Variants in SLC2A13 observed in about 807,000 individuals in gnomAD.
SLC2A13 encodes the protein solute carrier family 2 member 13, also known as proton myo-inositol cotransporter.
In SLC2A13, 32 loss-of-function variants were observed where a neutral mutation model predicts 64.4. The ratio of observed to expected loss-of-function variants is 0.50; its 90% CI spans 0.37 to 0.67. SLC2A13 has a LOEUF of 0.67. SLC2A13 is among the 30% of genes least tolerant of loss of function. The pLI is 0.00. For synonymous variants in SLC2A13, 338 were observed against 327.1 expected, an observed-to-expected ratio of 1.03 and a Z score of -0.36; for missense variants, 743 against 829.2, an observed-to-expected ratio of 0.90 and a Z score of 1.28.
chr12:39,887,700 T>C (rs1944504323), intron 4 of SLC2A13, among the ~76,000 whole-genome samples: 1 of 152,238 alleles, frequency 6.6e-6, no homozygotes, highest in South Asian at 2.1e-4. Flanking sequence ...TAGCCTATCA[T>C]TCTGTTGTGA....
At chr12:39,815,282 C>G (rs1942308659) in intron 7 of SLC2A13, among the ~76,000 whole-genome samples, 1 of 152,160 alleles carries the variant, frequency 6.6e-6, no homozygotes, top group Admixed American at 6.5e-5. Context: ...CAGAATAAAG[C>G]AGAGAATACT....
chr12:39,779,618 GACA>G (rs1940907123), intron 7 of SLC2A13, among the ~76,000 whole-genome samples: 1 of 152,132 alleles, frequency 6.6e-6, no homozygotes, highest in Non-Finnish European at 1.5e-5. Flanking sequence ...TTTGTCATCT[GACA>G]ACAATTTCTT....
intron 6 of SLC2A13, among the ~76,000 whole-genome samples, chr12:39,860,743 T>C (rs1253184866): frequency 3.9e-5 from 6 of 152,196 alleles, no homozygotes; most frequent in Non-Finnish European, 8.8e-5. Context: ...GATTTTTCTC[T>C]CCTAATACAC....
chr12:39,784,737 A>G (rs1005191733), intron 7 of SLC2A13, among the ~76,000 whole-genome samples: 10 of 152,220 alleles, frequency 6.6e-5, no homozygotes, highest in Non-Finnish European at 1.0e-4. Context: ...GATCTAATTA[A>G]ACTAAAGAGC....
At chr12:39,939,084 G>A (rs1347461640) in intron 4 of SLC2A13, among the ~76,000 whole-genome samples, 1 of 152,140 alleles carries the variant, frequency 6.6e-6, no homozygotes, top group African/African-American at 2.4e-5. Context: ...TCCTTGGAGA[G>A]TACTCAGCAG....
At chr12:39,966,140 G>T (rs4768205) in intron 3 of SLC2A13, among the ~76,000 whole-genome samples, 24,948 of 147,732 alleles carry the variant, frequency 0.17, 2,189 homozygotes, top group African/African-American at 0.23. Context: ...TATATATATA[G>T]AGAGAGAGAG....
intron 3 of SLC2A13, among the ~76,000 whole-genome samples, chr12:39,984,649 T>TA (rs955500622): frequency 2.0e-5 from 3 of 152,026 alleles, no homozygotes; most frequent in Admixed American, 1.3e-4. Flanking sequence ...AACTGCTTTT[T>TA]AAAAAAAATC....
At chr12:40,013,218 A>C (rs1194417239) in intron 3 of SLC2A13, among the ~76,000 whole-genome samples, 7 of 152,156 alleles carry the variant, frequency 4.6e-5, no homozygotes, top group African/African-American at 1.7e-4. Context: ...ATTTTCTACA[A>C]AGGCTAAGTG....
chr12:39,772,600 AG>A (rs1940623128), intron 7 of SLC2A13, among the ~76,000 whole-genome samples: 1 of 152,202 alleles, frequency 6.6e-6, no homozygotes, highest in Non-Finnish European at 1.5e-5. Flanking sequence ...AAAATAGGAA[AG>A]GAAAGAAAAA....
chr12:39,978,452 G>T (rs1946807516), intron 3 of SLC2A13, among the ~76,000 whole-genome samples: 1 of 152,170 alleles, frequency 6.6e-6, no homozygotes, highest in African/African-American at 2.4e-5. Context: ...GTGGGCGCAG[G>T]CCAGTGGGTG....
chr12:39,824,343 G>C (rs1002762032), intron 7 of SLC2A13, among the ~76,000 whole-genome samples: 9 of 152,158 alleles, frequency 5.9e-5, no homozygotes, highest in South Asian at 2.1e-4. Flanking sequence ...GTTTATTCTA[G>C]CAGCGCTCTT....
chr12:39,879,282 T>C lies in SLC2A13; in HGVS notation c.1035-7321A>G, dbSNP rs557838161. Among the ~76,000 whole-genome samples, 6 of 151,868 alleles carry C rather than the reference T, an allele frequency of 4.0e-5. No individual in the cohort carries two copies. The East Asian group carries it at 1.2e-3, about 30-fold the overall frequency. ...TGTGGGGTTGAGCCCTCAGACAGAGTCCCCTATTGCCTAGTGGAGCTGTGA... is the reference window on the plus strand; with the variant it reads ...TGTGGGGTTGAGCCCTCAGACAGAGCCCCCTATTGCCTAGTGGAGCTGTGA... On this transcript the variant is annotated intron_variant, in intron 4 of 9. Coordinates refer to ENST00000280871, the MANE Select transcript of SLC2A13 (RefSeq NM_052885.4).
At chr12:39,991,862 A>G (rs147211595) in intron 3 of SLC2A13, among the ~76,000 whole-genome samples, 156 of 152,272 alleles carry the variant, frequency 1.0e-3, no homozygotes, top group African/African-American at 3.7e-3. Flanking sequence ...ATGTAAAATC[A>G]AAAGCTTTTA....
At chr12:40,092,767 A>T (rs190470100) in intron 1 of SLC2A13, among the ~76,000 whole-genome samples, 1 of 152,262 alleles carries the variant, frequency 6.6e-6, no homozygotes, top group Admixed American at 6.5e-5. Flanking sequence ...AAGTTTGAAA[A>T]CTTGAGTCAT....
intron 6 of SLC2A13, among the ~76,000 whole-genome samples, chr12:39,832,099 A>ATTTT: frequency 6.6e-6 from 1 of 152,168 alleles, no homozygotes; most frequent in African/African-American, 2.4e-5. Context: ...AAGAGAGGCC[A>ATTTT]TTCAAATGTA....
At chr12:40,057,276 T>C (rs1448717156) in intron 1 of SLC2A13, among the ~76,000 whole-genome samples, 1 of 152,060 alleles carries the variant, frequency 6.6e-6, no homozygotes, top group Non-Finnish European at 1.5e-5. Context: ...ATAAAAGATA[T>C]TGTTGAAAAA....
chr12:39,756,057 C>T lies in SLC2A13; in HGVS notation c.*3969G>A, dbSNP rs923018261. 4 of 151,736 alleles carry T rather than the reference C, an allele frequency of 2.6e-5. No individual in the cohort carries two copies. Among genetic ancestry groups the T allele is most frequent in the African/African-American group, 4.8e-5 (2 of 41,344 alleles). The allele number at this position is 151,736 out of a possible 1,614,324, so 9.4% of individuals were successfully genotyped here. On this transcript the variant is annotated 3_prime_UTR_variant, in exon 10 of 10. Transcript: ENST00000280871. Reference sequence around the variant, plus strand: ...GCTCACCTAGAAGAGCTGAATGTACCGACAATTTATAGACTGCTACAACCT... The same window carrying T: ...GCTCACCTAGAAGAGCTGAATGTACTGACAATTTATAGACTGCTACAACCT...
At position 40,017,395 on chromosome 12, in the gene SLC2A13, C is replaced by T. The variant is rs1592009796; in HGVS notation, c.925+10906G>A. 2.6e-5 allele frequency among the ~76,000 whole-genome samples: 4 copies of T among 152,232 alleles called. No individual in the cohort carries two copies. The South Asian group carries it at 8.3e-4, about 32-fold the overall frequency. ...TTACTTCCAACCTTCCTTCTGACTC[C>T]TTTGTTTACCTGCTGTATAAAATCC... is the stretch of plus-strand genomic sequence containing the variant. On this transcript the variant is annotated intron_variant, in intron 3 of 9. Coordinates refer to ENST00000280871, the MANE Select transcript of SLC2A13 (RefSeq NM_052885.4).
rs1377475283 is a variant in SLC2A13, at chr12:39,764,515, G to A, written c.1665C>T (p.Phe555=). 1.9e-6 allele frequency: 3 copies of A among 1,611,028 alleles called. No homozygotes were observed. Among genetic ancestry groups the A allele is most frequent in the Non-Finnish European group, 2.5e-6 (3 of 1,178,998 alleles). Residue 555 remains phenylalanine (F), a synonymous_variant, in exon 9 of 10, where the codon TTC becomes TTT. Coordinates refer to ENST00000280871, the MANE Select transcript of SLC2A13 (RefSeq NM_052885.4). Reference sequence around the variant, plus strand: ...AAAATGTTAGTGAAACCAGGACATTGAAAATCCAGTTTATTCCAGATGAAC... The same window carrying A: ...AAAATGTTAGTGAAACCAGGACATTAAAAATCCAGTTTATTCCAGATGAAC... ...NACSSGINWI[F]NVLVSLTFLH...
Sources: gnomAD v4.1 joint callset for allele counts (sites outside exome capture counted in the v4.1 genomes callset) on GRCh38, gnomAD v4.1.1 for gene constraint, MANE v1.5 for transcripts, NCBI Gene and HGNC (gene_info 2026-07-23, HGNC 2026-07-21) for gene names.